The following B4GALT5 variants were observed in gnomAD, a reference collection of about 807,000 sequenced individuals.
B4GALT5 encodes the protein UDP-Gal:beta-GlcNAc beta-1,4-galactosyltransferase 5.
A neutral mutation model predicts 45.0 loss-of-function variants in B4GALT5; 11 were observed. That is an observed-to-expected ratio of 0.24 (90% CI 0.15 to 0.40). The LOEUF is 0.40. Ranked by LOEUF, B4GALT5 falls within the 10% of genes least tolerant of loss-of-function variation. B4GALT5 has a pLI of 1.00. For synonymous variants in B4GALT5, 185 were observed against 182.9 expected (o/e 1.01, Z -0.09); for missense variants, 337 against 500.2 (o/e 0.67, Z 3.11).
intron 1 of B4GALT5, among the ~76,000 whole-genome samples, chr20:49,668,038 T>C (rs1001802845): frequency 6.6e-6 from 1 of 152,190 alleles, no homozygotes; most frequent in East Asian, 1.9e-4. Flanking sequence ...ATACAAAAAG[T>C]GTTTAAAGAG....
At chr20:49,696,788 C>A (rs754489749) in intron 1 of B4GALT5, among the ~76,000 whole-genome samples, 4 of 152,110 alleles carry the variant, frequency 2.6e-5, no homozygotes, top group African/African-American at 9.7e-5. Context: ...AAATATTGTT[C>A]AACAGAACAA....
At position 49,643,581 on chromosome 20, in the gene B4GALT5, G is replaced by A; in HGVS notation, c.434C>T (p.Pro145Leu). The A allele has an allele frequency of 6.2e-7, 1 of 1,613,962 alleles. No homozygotes were observed. Among genetic ancestry groups the A allele is most frequent in the Non-Finnish European group, 8.5e-7 (1 of 1,179,944 alleles). Residue 145 changes from proline to leucine, a missense_variant, in exon 4 of 9, where the codon CCA becomes CTA. By Grantham distance (98) the Pro-to-Leu change is moderately conservative. Transcript: ENST00000371711. ...DYIHELFSKD[P>L]TIKLGGHWKP... Reference sequence around the variant, plus strand: ...CCAGTGACCTCCGAGCTTGATGGTTGGGTCTTTGGAGAAGAGTTCATGAAT... The same window carrying A: ...CCAGTGACCTCCGAGCTTGATGGTTAGGTCTTTGGAGAAGAGTTCATGAAT...
intron 7 of B4GALT5, 105 bp downstream of exon 7, chr20:49,639,573 C>T: frequency 6.8e-7 from 1 of 1,474,502 alleles, no homozygotes; most frequent in Non-Finnish European, 9.1e-7. Context: ...GCTACTAGAA[C>T]ATGTTAAATT....
At chr20:49,654,672 T>C (rs1452819510) in intron 2 of B4GALT5, among the ~76,000 whole-genome samples, 1 of 152,222 alleles carries the variant, frequency 6.6e-6, no homozygotes, top group Non-Finnish European at 1.5e-5. Flanking sequence ...ATTTGCAACA[T>C]TTGCAAAGCA....
At chr20:49,657,326 C>G (rs1246774950) in intron 1 of B4GALT5, among the ~76,000 whole-genome samples, 1 of 152,154 alleles carries the variant, frequency 6.6e-6, no homozygotes, top group Non-Finnish European at 1.5e-5. Context: ...GGAAAGAGCA[C>G]AGTCCAAGGT....
intron 6 of B4GALT5, 101 bp downstream of exon 6, chr20:49,640,377 A>C (rs2085571623): frequency 1.9e-6 from 2 of 1,041,054 alleles, no homozygotes; most frequent in Non-Finnish European, 2.7e-6. Flanking sequence ...TCCATCCATC[A>C]GTTGATGGGC....
At chr20:49,702,989 C>A (rs543239160) in intron 1 of B4GALT5, among the ~76,000 whole-genome samples, 63 of 151,650 alleles carry the variant, frequency 4.2e-4, no homozygotes, top group African/African-American at 1.4e-3. Flanking sequence ...CTGGCTGACA[C>A]GATGAAACCC....
intron 3 of B4GALT5, among the ~76,000 whole-genome samples, chr20:49,645,641 C>T (rs1255086158): frequency 6.6e-6 from 1 of 151,860 alleles, no homozygotes; most frequent in Non-Finnish European, 1.5e-5. Context: ...CCCAGCTACT[C>T]GGGAGGCTGA....
chr20:49,640,241 C>T (rs1430915928), intron 6 of B4GALT5, among the ~76,000 whole-genome samples: 1 of 152,184 alleles, frequency 6.6e-6, no homozygotes, highest in Non-Finnish European at 1.5e-5. Context: ...TGATACACAA[C>T]CTTTGTGTCT....
intron 1 of B4GALT5, among the ~76,000 whole-genome samples, chr20:49,694,743 C>A (rs112864963): frequency 4.0e-5 from 6 of 151,886 alleles, no homozygotes; most frequent in African/African-American, 1.5e-4. Flanking sequence ...CACCTGGGAA[C>A]AATATGCGCA....
intron 1 of B4GALT5, 135 bp from the exon 2 acceptor site, chr20:49,656,837 C>T: frequency 1.8e-6 from 2 of 1,122,286 alleles, no homozygotes; most frequent in Non-Finnish European, 2.5e-6. Flanking sequence ...CCCTACATGA[C>T]CATAACTCTA....
At position 49,645,673 on chromosome 20, in the gene B4GALT5, T is replaced by C. The variant is rs1274870027; in HGVS notation, c.364+1292A>G. Among the ~76,000 whole-genome samples the C allele has an allele frequency of 3.3e-5, 5 of 152,012 alleles. No individual in the cohort carries two copies. In the East Asian group the frequency reaches 9.7e-4, roughly 29 times the overall value. ...CTGAGGCAGGAGAATCACTTGAACC[T>C]GGGAGGCAGAGGTTGCAGTGAGCGG... On this transcript the variant is annotated intron_variant, in intron 3 of 8. Transcript: ENST00000371711.
In B4GALT5 at chr20:49,687,539, G is replaced by C. The variant is rs925179316; in HGVS notation, c.115+26037C>G. 2.0e-4 allele frequency among the ~76,000 whole-genome samples: 31 copies of C among 152,226 alleles called. 1 individual carries two copies. The highest frequency in any genetic ancestry group is 6.7e-4 in the African/African-American group (28 of 41,534). ...GGCGCGTGTAATCCCAGCTACTCGG[G>C]AGGCTGAGGCAGGAGAATTGCTTGA... On this transcript the variant is annotated intron_variant, in intron 1 of 8. Transcript: ENST00000371711.
intron 2 of B4GALT5, 74 bp downstream of exon 2, chr20:49,656,494 T>C: frequency 6.4e-7 from 1 of 1,574,328 alleles, no homozygotes; most frequent in Non-Finnish European, 8.7e-7. Context: ...CCATTGAAAA[T>C]AATTATTGCA....
intron 5 of B4GALT5, among the ~76,000 whole-genome samples, chr20:49,640,915 C>T (rs1421021682): frequency 2.0e-5 from 3 of 152,114 alleles, no homozygotes; most frequent in African/African-American, 7.2e-5. Context: ...GAGTTCGAGA[C>T]CAGCCTGGCC....
intron 1 of B4GALT5, among the ~76,000 whole-genome samples, chr20:49,706,857 G>T (rs1258603900): frequency 1.3e-5 from 2 of 152,140 alleles, no homozygotes; most frequent in Non-Finnish European, 2.9e-5. Context: ...TATGTGATTA[G>T]ATGTGCCGAA....
chr20:49,641,181 G>A (rs1445236786), intron 5 of B4GALT5, among the ~76,000 whole-genome samples: 2 of 152,124 alleles, frequency 1.3e-5, no homozygotes, highest in African/African-American at 4.8e-5. Flanking sequence ...GTAAGTGATA[G>A]CAAACGCAAG....
intron 1 of B4GALT5, among the ~76,000 whole-genome samples, chr20:49,664,707 T>C (rs887709566): frequency 1.7e-4 from 26 of 152,216 alleles, no homozygotes; most frequent in African/African-American, 6.3e-4. Flanking sequence ...AGTGTAATCA[T>C]AGTGCTGTGA....
intron 1 of B4GALT5, among the ~76,000 whole-genome samples, chr20:49,712,537 A>AT (rs2085918233): frequency 6.6e-6 from 1 of 152,138 alleles, no homozygotes; most frequent in African/African-American, 2.4e-5. Flanking sequence ...GAAAAGAAGG[A>AT]GTACCCATTA....
Sources: allele counts gnomAD v4.1 joint callset (sites outside exome capture counted in the v4.1 genomes callset), GRCh38; gene constraint gnomAD v4.1.1; transcripts MANE v1.5; gene names NCBI Gene and HGNC (gene_info 2026-07-23, HGNC 2026-07-21).